The following NRXN1 variants were observed in gnomAD, a reference collection of about 807,000 sequenced individuals.
The protein encoded by NRXN1 is neurexin 1.
A neutral mutation model predicts 150.9 loss-of-function variants in NRXN1; 39 were observed. The ratio of observed to expected loss-of-function variants is 0.26; its 90% CI spans 0.20 to 0.34. The LOEUF is 0.34. Ranked by LOEUF, NRXN1 falls within the 10% of genes least tolerant of loss-of-function variation. The probability of loss-of-function intolerance (pLI) is 1.00; values close to 1 mark genes in which losing one functional copy is unlikely to be tolerated. For synonymous variants in NRXN1, 924 were observed against 757.0 expected (o/e 1.22, Z -3.62); for missense variants, 1,815 against 1,949.9 (o/e 0.93, Z 1.30).
At chr2:50,001,095 T>C (rs147734754) in intron 21 of NRXN1, among the ~76,000 whole-genome samples, 1 of 152,210 alleles carries the variant, frequency 6.6e-6, no homozygotes, top group East Asian at 1.9e-4. Context: ...TCTCAGACCA[T>C]TGTAGTCAGT....
intron 5 of NRXN1, among the ~76,000 whole-genome samples, chr2:50,778,543 T>A (rs890772524): frequency 2.0e-5 from 3 of 152,130 alleles, no homozygotes; most frequent in African/African-American, 7.2e-5. Context: ...AGAAGGCCAC[T>A]GGAATGAACA....
intron 9 of NRXN1, among the ~76,000 whole-genome samples, chr2:50,541,683 A>T (rs2093392177): frequency 1.3e-5 from 2 of 151,968 alleles, no homozygotes; most frequent in South Asian, 4.1e-4. Context: ...GTGCACACTT[A>T]AACACACATC....
Position 50,706,355 on chromosome 2 carries a change from T to G in NRXN1, c.833-82740A>C, listed in dbSNP as rs186622456. 1.7e-3 allele frequency among the ~76,000 whole-genome samples: 264 copies of G among 152,294 alleles called. 1 individual carries two copies. The highest frequency in any genetic ancestry group is 3.4e-3 in the Non-Finnish European group (232 of 68,016). On this transcript the variant is annotated intron_variant, in intron 5 of 22. Coordinates refer to ENST00000401669, the MANE Select transcript of NRXN1 (RefSeq NM_001330078.2). The stretch of plus-strand genomic sequence containing the variant: ...GTTAAGACAATAATCACATCACGCA[T>G]GAGATACATTCTAGTATATTTTATA...
chr2:50,175,900 G>A (rs2060325757), intron 18 of NRXN1, among the ~76,000 whole-genome samples: 1 of 152,052 alleles, frequency 6.6e-6, no homozygotes, highest in African/African-American at 2.4e-5. Context: ...TTCTTCTCCT[G>A]AAGAGAAGCC....
chr2:50,491,405 C>G (rs1195874095), intron 15 of NRXN1, among the ~76,000 whole-genome samples: 1 of 152,104 alleles, frequency 6.6e-6, no homozygotes, highest in African/African-American at 2.4e-5. Flanking sequence ...AAAAGAAAGT[C>G]CCTGTTGAGT....
intron 5 of NRXN1, among the ~76,000 whole-genome samples, chr2:50,633,919 G>A (rs925198649): frequency 1.3e-5 from 2 of 152,118 alleles, no homozygotes; most frequent in Non-Finnish European, 2.9e-5. Flanking sequence ...TGTTTTAGAT[G>A]ATTGGGGAAG....
At chr2:50,394,841 T>A (rs1446125689) in intron 17 of NRXN1, among the ~76,000 whole-genome samples, 2 of 152,036 alleles carry the variant, frequency 1.3e-5, no homozygotes, top group Non-Finnish European at 2.9e-5. Flanking sequence ...CTCCTACTCT[T>A]TTTCCTTCCT....
At chr2:50,706,475 G>GAGAATTAGAATT (rs369917661) in intron 5 of NRXN1, among the ~76,000 whole-genome samples, 109 of 152,170 alleles carry the variant, frequency 7.2e-4, no homozygotes, top group African/African-American at 2.5e-3. Flanking sequence ...ATAGCAATTG[G>GAGAATTAGAATT]AGAATTAGAA....
intron 18 of NRXN1, among the ~76,000 whole-genome samples, chr2:50,152,636 T>A (rs920578052): frequency 3.3e-5 from 5 of 151,808 alleles, no homozygotes; most frequent in Admixed American, 1.3e-4. Flanking sequence ...TTTTGGCACT[T>A]TGAATATATC....
intron 15 of NRXN1, among the ~76,000 whole-genome samples, chr2:50,472,829 G>GTGTA (rs746794432): frequency 0.012 from 924 of 79,756 alleles, 10 homozygotes; most frequent in South Asian, 0.047. Flanking sequence ...GTGTGTGTGT[G>GTGTA]TATATATATA....
chr2:51,019,748 A>T (rs934925829), intron 2 of NRXN1, among the ~76,000 whole-genome samples: 12 of 152,104 alleles, frequency 7.9e-5, no homozygotes, highest in Admixed American at 3.3e-4. Context: ...TGCTCCGTGG[A>T]TGCAAGTGTA....
chr2:50,026,280 CAG>C (rs1338645664), intron 21 of NRXN1, among the ~76,000 whole-genome samples: 5 of 152,182 alleles, frequency 3.3e-5, no homozygotes, highest in Non-Finnish European at 7.3e-5. Context: ...GAGTTTGAAA[CAG>C]AGAATTTTTC....
At position 49,952,153 on chromosome 2, in the gene NRXN1, T is replaced by C. The variant is rs147352934; in HGVS notation, c.4129-8362A>G. ...ACTCCCAGTAGATTATGTTTTTCTA[T>C]TATCCCAGATGACTTCTACCTATCC... On this transcript the variant is annotated intron_variant, in intron 21 of 22. Transcript: ENST00000401669. 2.8e-3 allele frequency among the ~76,000 whole-genome samples: 427 copies of C among 152,168 alleles called. 6 individuals carry two copies. The highest frequency in any genetic ancestry group is 9.8e-3 in the African/African-American group (407 of 41,566).
At chr2:50,802,588 G>A (rs1441468678) in intron 5 of NRXN1, among the ~76,000 whole-genome samples, 1 of 149,900 alleles carries the variant, frequency 6.7e-6, no homozygotes, top group South Asian at 2.1e-4. Context: ...CAGAGAGAAA[G>A]AGAGAGAGAA....
chr2:50,285,203 A>G (rs2071973380), intron 17 of NRXN1, among the ~76,000 whole-genome samples: 1 of 152,176 alleles, frequency 6.6e-6, no homozygotes, highest in South Asian at 2.1e-4. Context: ...TTCAAACTGC[A>G]TTCCTTATTG....
At position 50,147,989 on chromosome 2, in the gene NRXN1, T is replaced by G. The variant is rs536885490; in HGVS notation, c.3547-56495A>C. Among the ~76,000 whole-genome samples the G allele has an allele frequency of 5.3e-5, 8 of 151,766 alleles. 1 individual carries two copies. The East Asian group carries it at 1.6e-3, about 30-fold the overall frequency. On this transcript the variant is annotated intron_variant, in intron 18 of 22. Coordinates refer to ENST00000401669, the MANE Select transcript of NRXN1 (RefSeq NM_001330078.2). ...GTGGGGCATCTATAAGTTAAAAATA[T>G]TTTCAACTGTGTAGAGTTCTACAGG... is the stretch of plus-strand genomic sequence containing the variant.
chr2:50,230,025 T>C (rs2064791232), intron 18 of NRXN1, among the ~76,000 whole-genome samples: 1 of 152,032 alleles, frequency 6.6e-6, no homozygotes, highest in Admixed American at 6.6e-5. Flanking sequence ...AAAGGAGTAG[T>C]GATCACAGGA....
intron 17 of NRXN1, among the ~76,000 whole-genome samples, chr2:50,290,733 C>T (rs533190463): frequency 2.6e-5 from 4 of 152,046 alleles, no homozygotes; most frequent in Admixed American, 2.0e-4. Context: ...CTGGTTTAGG[C>T]CAACATAGAA....
At chr2:50,846,184 T>C (rs1453592234) in intron 5 of NRXN1, among the ~76,000 whole-genome samples, 3 of 152,296 alleles carry the variant, frequency 2.0e-5, no homozygotes, top group East Asian at 1.9e-4. Flanking sequence ...GTGACCTTCA[T>C]ACACAACCAC....
Sources: allele counts gnomAD v4.1 joint callset (sites outside exome capture counted in the v4.1 genomes callset), GRCh38; gene constraint gnomAD v4.1.1; transcripts MANE v1.5; gene names NCBI Gene and HGNC (gene_info 2026-07-23, HGNC 2026-07-21).